The following ANK3 variants were observed in gnomAD, a reference collection of about 807,000 sequenced individuals.
ANK3 encodes ankyrin 3.
Under a neutral mutation model 370.9 loss-of-function variants are expected in ANK3, and 57 were observed. The observed-to-expected ratio is 0.15, with a 90% CI of 0.12 to 0.19. ANK3 has a LOEUF of 0.19. ANK3 is among the 10% of genes least tolerant of loss of function. The pLI, the probability that ANK3 is intolerant of heterozygous loss-of-function variation, is 1.00. For synonymous variants in ANK3, 1,929 were observed against 1,946.3 expected, an observed-to-expected ratio of 0.99 and a Z score of 0.23; for missense variants, 4,439 against 5,302.1, an observed-to-expected ratio of 0.84 and a Z score of 5.06.
intron 7 of ANK3, among the ~76,000 whole-genome samples, chr10:60,238,710 T>C (rs989589172): frequency 6.6e-6 from 1 of 151,986 alleles, no homozygotes; most frequent in Non-Finnish European, 1.5e-5. Context: ...CAGAAAGCAA[T>C]GGCAGCCTTC....
intron 7 of ANK3, among the ~76,000 whole-genome samples, chr10:60,248,219 T>C (rs1229167710): frequency 6.6e-6 from 1 of 152,210 alleles, no homozygotes; most frequent in Non-Finnish European, 1.5e-5. Flanking sequence ...GGATCATACG[T>C]TAACTGTATT....
chr10:60,235,563 T>G lies in ANK3; in HGVS notation c.799-777A>C, dbSNP rs201080197. On this transcript the variant is annotated intron_variant, in intron 7 of 43. Coordinates refer to ENST00000280772, the MANE Select transcript of ANK3 (RefSeq NM_020987.5). ...CCCTGATTTCTTGTTTTTTTTTTTT[T>G]TTTTTTTTTTTTTCTTTTTAAGTGA... is the stretch of plus-strand genomic sequence containing the variant. Among the ~76,000 whole-genome samples the G allele has an allele frequency of 5.6e-4, 83 of 147,364 alleles. 1 individual carries two copies. The highest frequency in any genetic ancestry group is 1.9e-3 in the South Asian group (9 of 4,616).
At chr10:60,610,283 G>A (rs2078183315) in intron 2 of ANK3, among the ~76,000 whole-genome samples, 1 of 152,090 alleles carries the variant, frequency 6.6e-6, no homozygotes, top group Non-Finnish European at 1.5e-5. Flanking sequence ...AGGCTGAGGT[G>A]AGCAGATCAC....
chr10:60,461,987 G>C (rs2064896566), intron 2 of ANK3, among the ~76,000 whole-genome samples: 1 of 152,130 alleles, frequency 6.6e-6, no homozygotes, highest in Non-Finnish European at 1.5e-5. Flanking sequence ...GACTGAAGAA[G>C]AACAATGGAA....
chr10:60,591,946 G>C (rs764414568), intron 2 of ANK3, among the ~76,000 whole-genome samples: 23 of 152,286 alleles, frequency 1.5e-4, no homozygotes, highest in Non-Finnish European at 2.5e-4. Context: ...TGGAGGCTTG[G>C]GGGAGAGGTG....
intron 1 of ANK3, among the ~76,000 whole-genome samples, chr10:60,384,067 TC>T (rs2061921054): frequency 6.6e-6 from 1 of 152,126 alleles, no homozygotes; most frequent in African/African-American, 2.4e-5. Context: ...CTATATGACC[TC>T]AGACAAGGTA....
intron 2 of ANK3, among the ~76,000 whole-genome samples, chr10:60,412,077 C>T: frequency 6.6e-6 from 1 of 152,034 alleles, no homozygotes; most frequent in East Asian, 1.9e-4. Context: ...GAGGGGATTC[C>T]TCAATGGCTG....
intron 2 of ANK3, among the ~76,000 whole-genome samples, chr10:60,568,716 C>G (rs1014834340): frequency 6.6e-6 from 1 of 152,136 alleles, no homozygotes; most frequent in Non-Finnish European, 1.5e-5. Context: ...CTGCTATGGA[C>G]AAAATTGTGT....
At chr10:60,355,578 C>G (rs889869444) in intron 1 of ANK3, among the ~76,000 whole-genome samples, 1 of 152,148 alleles carries the variant, frequency 6.6e-6, no homozygotes, top group Non-Finnish European at 1.5e-5. Flanking sequence ...AAACATTGCT[C>G]TCATTGAGGA....
chr10:60,363,267 G>A (rs1257589787), intron 1 of ANK3, among the ~76,000 whole-genome samples: 2 of 152,236 alleles, frequency 1.3e-5, no homozygotes, highest in East Asian at 3.9e-4. Context: ...AGGGAGCGAA[G>A]GCCAACATCA....
intron 43 of ANK3, among the ~76,000 whole-genome samples, chr10:60,032,523 T>A (rs2073927419): frequency 6.6e-6 from 1 of 152,114 alleles, no homozygotes; most frequent in African/African-American, 2.4e-5. Context: ...TGATAATTTT[T>A]AATATTTATG....
intron 2 of ANK3, among the ~76,000 whole-genome samples, chr10:60,422,257 A>C (rs565929061): frequency 1.3e-5 from 2 of 152,258 alleles, no homozygotes; most frequent in East Asian, 3.9e-4. Flanking sequence ...GCCACAAGGA[A>C]CAAAAATTCA....
intron 2 of ANK3, among the ~76,000 whole-genome samples, chr10:60,445,855 T>C (rs1170852624): frequency 6.6e-6 from 1 of 152,082 alleles, no homozygotes; most frequent in East Asian, 1.9e-4. Flanking sequence ...ATACAGACAA[T>C]GAAAGTAGAC....
intron 7 of ANK3, 47 bp from the exon 8 acceptor site, chr10:60,234,833 C>CA: frequency 7.8e-7 from 1 of 1,279,316 alleles, no homozygotes; most frequent in South Asian, 1.2e-5. Context: ...TTGGTTTCAA[C>CA]AAAACGTTCC....
chr10:60,279,317 T>TG (rs1173061256), intron 2 of ANK3, among the ~76,000 whole-genome samples, 169 bp from the exon 3 acceptor site: 4 of 152,208 alleles, frequency 2.6e-5, no homozygotes, highest in African/African-American at 9.6e-5. Flanking sequence ...CAAAACTGGA[T>TG]GGGTTGTTCT....
Position 60,644,838 on chromosome 10 carries a change from T to TAAAA in ANK3, c.58-29618_58-29615dup, listed in dbSNP as rs146950954. On this transcript the variant is annotated intron_variant, in intron 1 of 43. Coordinates refer to the ANK3 transcript ENST00000373827. ...AACTATCCAAGGAAGTTAATTTAGTTAAAAGAAAAAAAAAGCTGAGATTCA... is the reference window on the plus strand; with the variant it reads ...AACTATCCAAGGAAGTTAATTTAGTTAAAAAAAAGAAAAAAAAAGCTGAGATTCA... 3.0e-4 allele frequency among the ~76,000 whole-genome samples: 32 copies of TAAAA among 108,328 alleles called. 6 individuals carry two copies. Among genetic ancestry groups the TAAAA allele is most frequent in the Non-Finnish European group, 4.4e-4 (24 of 54,278 alleles). 71.1% of individuals were successfully genotyped at this position (108,328 alleles called of 152,430 possible).
At chr10:60,467,251 T>C (rs2065031831) in intron 2 of ANK3, among the ~76,000 whole-genome samples, 2 of 152,192 alleles carry the variant, frequency 1.3e-5, no homozygotes, top group African/African-American at 4.8e-5. Flanking sequence ...CAAACTTTCA[T>C]AGGAGAAAAG....
chr10:60,115,471 C>T (rs1281422890), intron 25 of ANK3, among the ~76,000 whole-genome samples: 2 of 152,088 alleles, frequency 1.3e-5, no homozygotes, highest in Non-Finnish European at 2.9e-5. Flanking sequence ...TGAAATAAAA[C>T]CAAACCAAGC....
chr10:60,357,089 C>T (rs991577438), intron 1 of ANK3, among the ~76,000 whole-genome samples: 2 of 152,168 alleles, frequency 1.3e-5, no homozygotes, highest in East Asian at 3.8e-4. Context: ...GATTACATTC[C>T]ATGGCCCATC....
Sources: gnomAD v4.1 joint callset for allele counts (sites outside exome capture counted in the v4.1 genomes callset) on GRCh38, gnomAD v4.1.1 for gene constraint, MANE v1.5 for transcripts, NCBI Gene and HGNC (gene_info 2026-07-23, HGNC 2026-07-21) for gene names.